PACRG: variants seen among roughly 807,000 people sequenced by gnomAD.
PACRG encodes the protein parkin coregulated, also known as parkin coregulated gene protein.
A neutral mutation model predicts 29.7 loss-of-function variants in PACRG; 29 were observed. The ratio of observed to expected loss-of-function variants is 0.98; its 90% CI spans 0.73 to 1.33. PACRG has a LOEUF of 1.33. PACRG is among the 40% of genes most tolerant of loss of function. The probability of loss-of-function intolerance (pLI) is 0.00; values close to 1 mark genes in which losing one functional copy is unlikely to be tolerated. For missense variants in PACRG, 279 were observed against 316.2 expected, an observed-to-expected ratio of 0.88 and a Z score of 0.89; for synonymous variants, 116 against 118.7, an observed-to-expected ratio of 0.98 and a Z score of 0.15.
intron 1 of PACRG, among the ~76,000 whole-genome samples, chr6:162,769,412 G>T (rs569584220): frequency 1.3e-5 from 2 of 152,078 alleles, no homozygotes; most frequent in South Asian, 4.2e-4. Context: ...TTACAAGTGA[G>T]GATAAACTGT....
In PACRG at chr6:162,777,042, T is replaced by G. The variant is rs1183802334; in HGVS notation, c.157-37105T>G. On this transcript the variant is annotated intron_variant, in intron 1 of 4. Transcript: ENST00000366888. This position sits in a 1 kb window ranked among gnomAD's most constrained non-coding sequence, Gnocchi z 4.0. The stretch of plus-strand genomic sequence containing the variant: ...AAATCACCACTAAAGAACTTATTCA[T>G]GTAACCAAACACCACCTGCTCCCTA... Among the ~76,000 whole-genome samples, 1 of 152,146 alleles carries G rather than the reference T, an allele frequency of 6.6e-6. No homozygotes were observed. The highest frequency in any genetic ancestry group is 1.5e-5 in the Non-Finnish European group (1 of 68,028).
intron 2 of PACRG, among the ~76,000 whole-genome samples, chr6:162,833,368 G>A (rs1788945704): frequency 6.6e-6 from 1 of 152,120 alleles, no homozygotes; most frequent in Non-Finnish European, 1.5e-5. Context: ...ATTCAGAGAA[G>A]ATATTACCAA....
At chr6:163,008,589 A>G (rs1200693717) in intron 2 of PACRG, among the ~76,000 whole-genome samples, 1 of 150,222 alleles carries the variant, frequency 6.7e-6, no homozygotes, top group African/African-American at 2.5e-5. Flanking sequence ...AATTTGGCCA[A>G]AGCGATTTAA....
chr6:163,159,665 G>A (rs1407998483), intron 4 of PACRG, among the ~76,000 whole-genome samples: 1 of 152,114 alleles, frequency 6.6e-6, no homozygotes, highest in African/African-American at 2.4e-5. Context: ...GGTCAGGGGT[G>A]ACATTGACCC....
intron 4 of PACRG, among the ~76,000 whole-genome samples, chr6:163,272,944 T>G (rs1294502089): frequency 1.6e-5 from 2 of 126,190 alleles, no homozygotes; most frequent in Non-Finnish European, 3.2e-5. Flanking sequence ...CAGGCTGGAG[T>G]GCAGTGGCGG....
At chr6:162,835,866 A>G (rs1040482893) in intron 2 of PACRG, among the ~76,000 whole-genome samples, 5 of 152,168 alleles carry the variant, frequency 3.3e-5, no homozygotes, top group Non-Finnish European at 5.9e-5. Flanking sequence ...ACAAATTGTA[A>G]TGAAAAGAAT....
intron 3 of PACRG, among the ~76,000 whole-genome samples, chr6:163,063,736 A>C (rs532597538): frequency 6.6e-6 from 1 of 152,166 alleles, no homozygotes; most frequent in East Asian, 1.9e-4. Context: ...ACCAAACCAA[A>C]GGACGGTGCT....
chr6:162,776,517 G>T (rs1783653514), intron 1 of PACRG, among the ~76,000 whole-genome samples: 1 of 152,198 alleles, frequency 6.6e-6, no homozygotes, highest in South Asian at 2.1e-4. Context: ...TGGGATTAAA[G>T]ATAGCGTCCA....
At chr6:162,925,629 CAAT>C (rs1173190952) in intron 2 of PACRG, among the ~76,000 whole-genome samples, 1 of 152,144 alleles carries the variant, frequency 6.6e-6, no homozygotes, top group Non-Finnish European at 1.5e-5. Context: ...TAAAAACTCT[CAAT>C]AAACTAGGTG....
intron 2 of PACRG, among the ~76,000 whole-genome samples, chr6:162,964,801 C>A (rs1301939838): frequency 6.6e-6 from 1 of 152,170 alleles, no homozygotes; most frequent in Non-Finnish European, 1.5e-5. Flanking sequence ...AAGTCACTGA[C>A]CCCCAGGATC....
At chr6:162,740,127 G>A (rs997341314) in intron 1 of PACRG, among the ~76,000 whole-genome samples, 2 of 151,826 alleles carry the variant, frequency 1.3e-5, no homozygotes, top group African/African-American at 2.4e-5. Flanking sequence ...TGCCTTTATT[G>A]TTGTAGCTTT....
chr6:162,968,844 C>T lies in PACRG; in HGVS notation c.292-93306C>T, dbSNP rs554206098. 3.3e-5 allele frequency among the ~76,000 whole-genome samples: 5 copies of T among 151,914 alleles called. No individual in the cohort carries two copies. In the East Asian group the frequency reaches 5.8e-4, roughly 18 times the overall value. ...TGGGTGGATCACAAGGTCAGGAGTA[C>T]GAGATCAGCCTGGCCAACATGGCGA... On this transcript the variant is annotated intron_variant, in intron 2 of 4. Transcript: ENST00000366888.
At chr6:162,742,537 C>G (rs1040307508) in intron 1 of PACRG, among the ~76,000 whole-genome samples, 2 of 152,146 alleles carry the variant, frequency 1.3e-5, no homozygotes, top group Non-Finnish European at 2.9e-5. Context: ...CTTTCTGTGT[C>G]TGGCTTATTT....
intron 2 of PACRG, among the ~76,000 whole-genome samples, chr6:163,013,417 T>C (rs1232231098): frequency 1.3e-5 from 2 of 150,664 alleles, no homozygotes; most frequent in East Asian, 3.9e-4. Context: ...AATAACATGA[T>C]TAAGAATATC....
intron 4 of PACRG, among the ~76,000 whole-genome samples, chr6:163,252,843 G>A (rs1382668380): frequency 2.6e-5 from 4 of 152,232 alleles, no homozygotes; most frequent in African/African-American, 9.6e-5. Flanking sequence ...ACTTCAGGCT[G>A]GGTCACCAAG....
chr6:162,854,264 T>C (rs1355038125), intron 2 of PACRG, among the ~76,000 whole-genome samples: 1 of 152,068 alleles, frequency 6.6e-6, no homozygotes, highest in Non-Finnish European at 1.5e-5. Flanking sequence ...GTAATGTTTG[T>C]GGAATTAAAT....
chr6:162,911,729 G>C lies in PACRG; in HGVS notation c.291+97448G>C, dbSNP rs527938135. Among the ~76,000 whole-genome samples, 639 of 152,236 alleles carry C rather than the reference G, an allele frequency of 4.2e-3. 6 individuals carry two copies. Among genetic ancestry groups the C allele is most frequent in the African/African-American group, 0.015 (611 of 41,524 alleles). ...ATTCAGGATAATTCATTCAAAGAGG[G>C]TTTATTTACAAAGATTTTCAAAGGT... On this transcript the variant is annotated intron_variant, in intron 2 of 4. Coordinates refer to ENST00000366888, the MANE Select transcript of PACRG (RefSeq NM_001080379.2).
chr6:163,125,136 T>G (rs1816465098), intron 4 of PACRG, among the ~76,000 whole-genome samples: 1 of 152,176 alleles, frequency 6.6e-6, no homozygotes. Flanking sequence ...AGGTGATATT[T>G]TAAATCAGCA....
At chr6:163,220,807 C>T (rs1781555158) in intron 4 of PACRG, among the ~76,000 whole-genome samples, 1 of 152,104 alleles carries the variant, frequency 6.6e-6, no homozygotes, top group Non-Finnish European at 1.5e-5. Flanking sequence ...GCATATTTAC[C>T]AAGTACCAGG....
Sources: gnomAD v4.1 joint callset for allele counts (sites outside exome capture counted in the v4.1 genomes callset) on GRCh38, gnomAD v4.1.1 for gene constraint, Gnocchi (gnomAD v3.1) non-coding constraint, MANE v1.5 for transcripts, NCBI Gene and HGNC (gene_info 2026-07-23, HGNC 2026-07-21) for gene names.